Variants in PRELID2 observed in about 807,000 individuals in gnomAD.
The protein encoded by PRELID2 is PRELI domain containing 2, also known as PRELI domain-containing protein 2.
PRELID2 carries 25 observed loss-of-function variants against 28.4 expected under a neutral mutation model. The observed-to-expected ratio is 0.88, with a 90% CI of 0.64 to 1.23. The LOEUF (loss-of-function observed/expected upper bound fraction) is 1.23. Among genes scored for constraint, PRELID2 ranks in the 50% most tolerant of loss-of-function variants. The probability of loss-of-function intolerance (pLI) is 0.00; values close to 1 mark genes in which losing one functional copy is unlikely to be tolerated. For synonymous variants in PRELID2, 76 were observed against 71.6 expected, an observed-to-expected ratio of 1.06 and a Z score of -0.31; for missense variants, 201 against 214.4, an observed-to-expected ratio of 0.94 and a Z score of 0.39.
chr5:145,461,986 T>C, the PRELID2 span, among the ~76,000 whole-genome samples: 169 of 152,228 alleles, frequency 1.1e-3, no homozygotes, highest in African/African-American at 4.0e-3. Flanking sequence ...ATTTGGAAGG[T>C]TCATTTGTTA....
At chr5:145,580,791 C>T (rs891258632) in intron 1 of PRELID2, among the ~76,000 whole-genome samples, 1 of 151,980 alleles carries the variant, frequency 6.6e-6, no homozygotes, top group Non-Finnish European at 1.5e-5. Flanking sequence ...GCAAACAATC[C>T]AGGATATCCA....
chr5:145,277,496 C>G, the PRELID2 span, among the ~76,000 whole-genome samples: 10 of 152,240 alleles, frequency 6.6e-5, no homozygotes, highest in East Asian at 5.8e-4. Flanking sequence ...TGATTCCATC[C>G]CTGTCCTTGT....
chr5:145,501,609 T>C (rs1169859924), intron 1 of PRELID2, among the ~76,000 whole-genome samples: 1 of 152,148 alleles, frequency 6.6e-6, no homozygotes, highest in Non-Finnish European at 1.5e-5. Flanking sequence ...TGCCTCCAGG[T>C]ATGAAATATC....
At chr5:145,328,564 G>A in the PRELID2 span, among the ~76,000 whole-genome samples, 1 of 151,638 alleles carries the variant, frequency 6.6e-6, no homozygotes, top group Non-Finnish European at 1.5e-5. Context: ...CATGTTTATT[G>A]TCCACATAAA....
chr5:145,693,243 G>A (rs918711267), intron 1 of PRELID2, among the ~76,000 whole-genome samples: 1 of 151,448 alleles, frequency 6.6e-6, no homozygotes, highest in Non-Finnish European at 1.5e-5. Flanking sequence ...TGCCTCCTGG[G>A]CTTAAGTGAT....
chr5:145,538,041 C>T (rs1752716654), intron 1 of PRELID2, among the ~76,000 whole-genome samples: 3 of 151,880 alleles, frequency 2.0e-5, no homozygotes. Context: ...CATCTAGTCT[C>T]AATTTTCTGC....
chr5:145,661,559 T>G (rs1353489212), intron 1 of PRELID2, among the ~76,000 whole-genome samples: 1 of 151,556 alleles, frequency 6.6e-6, no homozygotes, highest in African/African-American at 2.4e-5. Context: ...CACTGTATGA[T>G]TCAGTGGAAA....
chr5:145,467,944 T>C (rs1242509542), downstream of PRELID2, among the ~76,000 whole-genome samples: 1 of 152,038 alleles, frequency 6.6e-6, no homozygotes. Flanking sequence ...TACTTTAAGT[T>C]CTAGGGCACA....
chr5:145,657,008 A>G (rs913083491), intron 1 of PRELID2, among the ~76,000 whole-genome samples: 8 of 152,216 alleles, frequency 5.3e-5, no homozygotes, highest in Non-Finnish European at 7.3e-5. Flanking sequence ...AGACAAAAGC[A>G]TCTAGTACAG....
intron 1 of PRELID2, among the ~76,000 whole-genome samples, chr5:145,656,112 A>G (rs928520907): frequency 2.0e-5 from 3 of 152,224 alleles, no homozygotes; most frequent in African/African-American, 7.2e-5. Context: ...GACACTTATC[A>G]AAAGAAGACC....
chr5:145,828,457 G>C (rs182082312), intron 1 of PRELID2, among the ~76,000 whole-genome samples: 1 of 152,114 alleles, frequency 6.6e-6, no homozygotes, highest in Non-Finnish European at 1.5e-5. Context: ...AAAATGATTA[G>C]AAGATAATAT....
the PRELID2 span, among the ~76,000 whole-genome samples, chr5:145,363,694 T>C: frequency 6.6e-6 from 1 of 152,118 alleles, no homozygotes; most frequent in African/African-American, 2.4e-5. Context: ...AGTTCTTTAG[T>C]TCATGACTAT....
the PRELID2 span, among the ~76,000 whole-genome samples, chr5:145,252,179 A>G: frequency 0.027 from 4,043 of 151,954 alleles, 213 homozygotes; most frequent in South Asian, 0.22. Flanking sequence ...TCCTGAATCA[A>G]CCTCTCTAGA....
intron 1 of PRELID2, among the ~76,000 whole-genome samples, chr5:145,476,455 G>A (rs1268984831): frequency 1.3e-5 from 2 of 152,148 alleles, no homozygotes; most frequent in Non-Finnish European, 2.9e-5. Context: ...GACCAGCCTG[G>A]CCAACAGGGT....
intron 1 of PRELID2, among the ~76,000 whole-genome samples, chr5:145,613,110 T>C (rs1479762002): frequency 6.6e-6 from 1 of 152,134 alleles, no homozygotes; most frequent in Non-Finnish European, 1.5e-5. Context: ...AAGGTACAAG[T>C]GTCCCCTGAT....
intron 1 of PRELID2, among the ~76,000 whole-genome samples, chr5:145,823,884 C>A (rs1318640248): frequency 6.6e-6 from 1 of 152,146 alleles, no homozygotes; most frequent in East Asian, 1.9e-4. Context: ...ATTCACAAAA[C>A]CATTCTATAA....
the PRELID2 span, among the ~76,000 whole-genome samples, chr5:145,318,465 T>C: frequency 8.5e-5 from 13 of 152,334 alleles, no homozygotes; most frequent in Middle Eastern, 3.4e-3. Context: ...AAGGAGGGTT[T>C]CCCAGAGCAA....
At chr5:145,339,631 G>C in the PRELID2 span, among the ~76,000 whole-genome samples, 1 of 152,150 alleles carries the variant, frequency 6.6e-6, no homozygotes, top group Non-Finnish European at 1.5e-5. Flanking sequence ...GGCCAAGAAG[G>C]AAGATGAGAA....
At chr5:145,794,856 T>C (rs747698129) in intron 5 of PRELID2, among the ~76,000 whole-genome samples, 14 of 152,134 alleles carry the variant, frequency 9.2e-5, no homozygotes, top group Non-Finnish European at 1.9e-4. Context: ...CCAACCTCAG[T>C]TAATGAAATA....
Sources: gnomAD v4.1 joint callset for allele counts (sites outside exome capture counted in the v4.1 genomes callset) on GRCh38, gnomAD v4.1.1 for gene constraint, MANE v1.5 for transcripts, NCBI Gene and HGNC (gene_info 2026-07-23, HGNC 2026-07-21) for gene names.